Variants in KAT6B observed in about 807,000 individuals in gnomAD.
KAT6B encodes histone acetyltransferase KAT6B.
A neutral mutation model predicts 187.5 loss-of-function variants in KAT6B; 10 were observed. The observed-to-expected ratio is 0.05, with a 90% CI of 0.03 to 0.09. The LOEUF (loss-of-function observed/expected upper bound fraction) is 0.09, where lower values mean the gene tolerates loss of function less well. Among genes scored for constraint, KAT6B ranks in the 10% least tolerant of loss-of-function variants. The pLI is 1.00. For missense variants in KAT6B, 1,952 were observed against 2,558.9 expected, an observed-to-expected ratio of 0.76 and a Z score of 5.12; for synonymous variants, 861 against 926.8, an observed-to-expected ratio of 0.93 and a Z score of 1.29.
At chr10:74,942,009 G>A (rs1353962425) in intron 3 of KAT6B, among the ~76,000 whole-genome samples, 1 of 152,156 alleles carries the variant, frequency 6.6e-6, no homozygotes, top group Non-Finnish European at 1.5e-5. Flanking sequence ...AATTAGCCAG[G>A]CATGGTGTCA....
intron 13 of KAT6B, among the ~76,000 whole-genome samples, chr10:74,999,939 C>T (rs772923068): frequency 2.0e-5 from 3 of 152,214 alleles, no homozygotes; most frequent in Non-Finnish European, 4.4e-5. Flanking sequence ...CTTTGGGAGT[C>T]TGAGGTAGGT....
At chr10:74,921,669 C>G (rs1041535663) in intron 3 of KAT6B, among the ~76,000 whole-genome samples, 5 of 152,192 alleles carry the variant, frequency 3.3e-5, no homozygotes, top group African/African-American at 1.2e-4. Flanking sequence ...GTGTGGCTAC[C>G]TCCCAAGCTA....
chr10:74,929,035 A>T (rs2133147961), intron 3 of KAT6B, among the ~76,000 whole-genome samples: 2 of 152,346 alleles, frequency 1.3e-5, no homozygotes, highest in Middle Eastern at 6.8e-3. Flanking sequence ...ATTAGATAAA[A>T]GTACGCAAAG....
chr10:74,902,695 T>C (rs1241708921), intron 3 of KAT6B, among the ~76,000 whole-genome samples: 1 of 152,204 alleles, frequency 6.6e-6, no homozygotes, highest in East Asian at 1.9e-4. Flanking sequence ...ACCAGTGGCA[T>C]CTGTAGGAAT....
In KAT6B at chr10:75,022,135, G is replaced by GGAGGAAGAA. The variant is rs746473801; in HGVS notation, c.3288_3296dup (p.Glu1102_Glu1104dup). On this transcript the variant is annotated inframe_insertion, in exon 16 of 18. Coordinates refer to ENST00000287239, the MANE Select transcript of KAT6B (RefSeq NM_012330.4). The stretch of plus-strand genomic sequence containing the variant: ...AGGAAGAAGAGGAAGAGGATGAAGA[G>GGAGGAAGAA]GAGGAAGAAGAGGAAGAAGAAGAAG... The GGAGGAAGAA allele has an allele frequency of 6.3e-7, 1 of 1,598,402 alleles. No homozygotes were observed. Among genetic ancestry groups the GGAGGAAGAA allele is most frequent in the Non-Finnish European group, 8.5e-7 (1 of 1,178,364 alleles).
intron 3 of KAT6B, among the ~76,000 whole-genome samples, chr10:74,899,293 A>T (rs1846219323): frequency 1.0e-5 from 1 of 96,976 alleles, no homozygotes; most frequent in Non-Finnish European, 2.6e-5. Flanking sequence ...TTATTATTTG[A>T]GACGGAGTTT....
intron 3 of KAT6B, among the ~76,000 whole-genome samples, chr10:74,924,363 A>T (rs1449387769): frequency 1.3e-5 from 2 of 152,174 alleles, no homozygotes; most frequent in Admixed American, 1.3e-4. Flanking sequence ...AAATTCCTTC[A>T]TAAGCAGTTG....
Position 75,021,122 on chromosome 10 carries a change from A to G in KAT6B, c.2862-4A>G. 1 of 1,613,686 alleles carries G rather than the reference A, an allele frequency of 6.2e-7. No homozygotes were observed. ...ACATCTTGTTCTGCCTTATCACATT[A>G]CAGATTTGTCATCATTAGACGGGAA... On this transcript the variant is annotated splice_region_variant and splice_polypyrimidine_tract_variant and intron_variant, in intron 14 of 17. Coordinates refer to ENST00000287239, the MANE Select transcript of KAT6B (RefSeq NM_012330.4).
At chr10:74,884,592 G>T (rs574846689) in intron 3 of KAT6B, among the ~76,000 whole-genome samples, 1 of 151,348 alleles carries the variant, frequency 6.6e-6, no homozygotes, top group East Asian at 1.9e-4. Flanking sequence ...TTTTGGAGAC[G>T]GAGTTTCACT....
In KAT6B at chr10:75,022,300, G is replaced by A. The variant is rs1476639113; in HGVS notation, c.3372+69G>A. 4 of 1,546,010 alleles carry A rather than the reference G, an allele frequency of 2.6e-6. No homozygotes were observed. The South Asian group carries it at 3.4e-5, about 13-fold the overall frequency. On this transcript the variant is annotated intron_variant, in intron 16 of 17. Coordinates refer to ENST00000287239, the MANE Select transcript of KAT6B (RefSeq NM_012330.4). ...TCTTATTTGTCATTGCAGACATTCT[G>A]TCTATTAGTATTTGTTTCACTCTCT...
Position 74,977,447 on chromosome 10 carries a change from G to A in KAT6B, c.2115+10G>A, listed in dbSNP as rs752814442. On this transcript the variant is annotated intron_variant, in intron 9 of 17. Transcript: ENST00000287239. ...GGAACTTTCTTGGGAGGTAAGGCGA[G>A]GATCCCACATTGTAGTAGCAAGTAT... 2 of 1,613,378 alleles carry A rather than the reference G, an allele frequency of 1.2e-6. No individual in the cohort carries two copies. The highest frequency in any genetic ancestry group is 2.7e-5 in the African/African-American group (2 of 74,902).
Position 74,976,144 on chromosome 10 carries a change from T to A in KAT6B, c.1807T>A (p.Ser603Thr). The A allele has an allele frequency of 6.2e-7, 1 of 1,614,160 alleles. No homozygotes were observed. The highest frequency in any genetic ancestry group is 8.5e-7 in the Non-Finnish European group (1 of 1,180,016). ...IRSRFISHSS[S>T]SSWGMARGSI... ...AAGTCGGTTTATTTCTCACTCCTCC[T>A]CCTCTAGCTGGGGGATGGCTAGAGG... Residue 603 changes from serine to threonine, a missense_variant, in exon 8 of 18, where the codon TCC becomes ACC. Coordinates refer to ENST00000287239, the MANE Select transcript of KAT6B (RefSeq NM_012330.4).
At chr10:74,967,471 C>T (rs1222598248) in intron 4 of KAT6B, among the ~76,000 whole-genome samples, 2 of 152,138 alleles carry the variant, frequency 1.3e-5, no homozygotes, top group African/African-American at 4.8e-5. Flanking sequence ...TATCAAGACA[C>T]GTTACGGTCT....
Position 74,883,478 on chromosome 10 carries a change from G to A in KAT6B, c.621+40000G>A, listed in dbSNP as rs567961420. On this transcript the variant is annotated intron_variant, in intron 3 of 17. Coordinates refer to ENST00000287239, the MANE Select transcript of KAT6B (RefSeq NM_012330.4). ...TTGTTGGCTGCCCCCTACTTCTCCT[G>A]TTCCCCTCTGGCAGTATTTTACAGA... Among the ~76,000 whole-genome samples, 32 of 152,228 alleles carry A rather than the reference G, an allele frequency of 2.1e-4. 1 individual carries two copies. The South Asian group carries it at 2.3e-3, about 11-fold the overall frequency.
rs541823241 is a variant in KAT6B, at chr10:74,873,877, A to C, written c.621+30399A>C. 7.0e-4 allele frequency among the ~76,000 whole-genome samples: 106 copies of C among 152,306 alleles called. 1 individual carries two copies. The South Asian group carries it at 0.021, about 30-fold the overall frequency. ...AGATGAGGTGAGACTCAGGGAGATG[A>C]AATGACTCATTTAGAGTTATCAGGT... On this transcript the variant is annotated intron_variant, in intron 3 of 17. Coordinates refer to ENST00000287239, the MANE Select transcript of KAT6B (RefSeq NM_012330.4).
At chr10:75,016,366 C>T (rs1337472258) in intron 13 of KAT6B, among the ~76,000 whole-genome samples, 2 of 152,356 alleles carry the variant, frequency 1.3e-5, no homozygotes, top group Admixed American at 1.3e-4. Flanking sequence ...ACAGAAATCA[C>T]ATTGTTCTTC....
At chr10:74,873,407 G>A (rs1844157504) in intron 3 of KAT6B, among the ~76,000 whole-genome samples, 1 of 151,938 alleles carries the variant, frequency 6.6e-6, no homozygotes, top group Non-Finnish European at 1.5e-5. Flanking sequence ...CAAGGCTGCA[G>A]TGAGCTATGA....
intron 3 of KAT6B, among the ~76,000 whole-genome samples, chr10:74,915,854 G>C (rs1045889647): frequency 6.6e-6 from 1 of 152,182 alleles, no homozygotes; most frequent in Non-Finnish European, 1.5e-5. Flanking sequence ...TATGTTGCTT[G>C]TGATGGTGGT....
chr10:74,909,225 G>C (rs963175105), intron 3 of KAT6B, among the ~76,000 whole-genome samples: 1 of 152,194 alleles, frequency 6.6e-6, no homozygotes, highest in African/African-American at 2.4e-5. Flanking sequence ...ACAAAAATTA[G>C]CTGGGCGTGG....
Sources: allele counts gnomAD v4.1 joint callset (sites outside exome capture counted in the v4.1 genomes callset), GRCh38; gene constraint gnomAD v4.1.1; transcripts MANE v1.5; gene names NCBI Gene and HGNC (gene_info 2026-07-23, HGNC 2026-07-21).